The following ABCC4 variants were observed in gnomAD, a reference collection of about 807,000 sequenced individuals.
ABCC4 encodes ATP binding cassette subfamily C member 4 (PEL blood group).
A neutral mutation model predicts 168.5 loss-of-function variants in ABCC4; 102 were observed. The ratio of observed to expected loss-of-function variants is 0.61; its 90% CI spans 0.52 to 0.71. ABCC4 has a LOEUF of 0.71. Ranked by LOEUF, ABCC4 falls within the 30% of genes least tolerant of loss-of-function variation. ABCC4 has a pLI of 0.00. For synonymous variants in ABCC4, 617 were observed against 590.7 expected, an observed-to-expected ratio of 1.04 and a Z score of -0.65; for missense variants, 1,402 against 1,605.8, an observed-to-expected ratio of 0.87 and a Z score of 2.17.
chr13:95,083,583 G>C (rs1026222734), intron 20 of ABCC4, among the ~76,000 whole-genome samples: 5 of 148,532 alleles, frequency 3.4e-5, no homozygotes, highest in Admixed American at 2.7e-4. Flanking sequence ...CTGGAGTGAA[G>C]TGGTGCCATC....
At chr13:95,250,061 G>C (rs2040214718) in intron 1 of ABCC4, among the ~76,000 whole-genome samples, 1 of 152,188 alleles carries the variant, frequency 6.6e-6, no homozygotes, top group Non-Finnish European at 1.5e-5. Flanking sequence ...GTGGGTACCA[G>C]CAAGAGCTAA....
At chr13:95,232,450 G>A (rs536716256) in intron 4 of ABCC4, among the ~76,000 whole-genome samples, 35 of 152,120 alleles carry the variant, frequency 2.3e-4, no homozygotes, top group African/African-American at 5.3e-4. Context: ...AGGCCGAGAC[G>A]GGCAGATCAC....
chr13:95,236,222 T>C (rs923892681), intron 3 of ABCC4, among the ~76,000 whole-genome samples: 2 of 152,154 alleles, frequency 1.3e-5, no homozygotes, highest in East Asian at 1.9e-4. Flanking sequence ...CAAACACTCA[T>C]TGCAAATCCA....
intron 21 of ABCC4, among the ~76,000 whole-genome samples, chr13:95,076,692 T>C (rs2033920446): frequency 6.6e-6 from 1 of 152,180 alleles, no homozygotes; most frequent in Non-Finnish European, 1.5e-5. Context: ...CTTGAACTCC[T>C]GACTTCAGGT....
intron 26 of ABCC4, among the ~76,000 whole-genome samples, chr13:95,058,865 G>A (rs2033176507): frequency 6.6e-6 from 1 of 152,198 alleles, no homozygotes; most frequent in Admixed American, 6.5e-5. Context: ...CAGGCAGCAG[G>A]AGCCCGGCCA....
At chr13:95,151,900 C>T (rs928429345) in intron 19 of ABCC4, among the ~76,000 whole-genome samples, 31 of 152,180 alleles carry the variant, frequency 2.0e-4, no homozygotes, top group Admixed American at 6.5e-5. Flanking sequence ...CACCTCAACT[C>T]CCTGTGCAAG....
intron 11 of ABCC4, among the ~76,000 whole-genome samples, chr13:95,178,330 G>A (rs535906797): frequency 6.6e-6 from 1 of 152,316 alleles, no homozygotes; most frequent in Admixed American, 6.5e-5. Flanking sequence ...TAGCATTTAT[G>A]CACTGAGCCA....
At chr13:95,189,445 T>C (rs150741816) in intron 9 of ABCC4, among the ~76,000 whole-genome samples, 25 of 152,202 alleles carry the variant, frequency 1.6e-4, no homozygotes, top group Admixed American at 2.6e-4. Flanking sequence ...ATATTCAGTA[T>C]GGGAGCTTTT....
intron 9 of ABCC4, among the ~76,000 whole-genome samples, chr13:95,191,437 A>G (rs961972557): frequency 6.6e-6 from 1 of 152,224 alleles, no homozygotes; most frequent in Non-Finnish European, 1.5e-5. Context: ...CACCCAGAAT[A>G]GGTTTCTTTA....
chr13:95,114,602 G>A (rs1366793908), intron 20 of ABCC4, among the ~76,000 whole-genome samples: 1 of 152,074 alleles, frequency 6.6e-6, no homozygotes, highest in Admixed American at 6.5e-5. Context: ...GTCCTTGTTT[G>A]CAGTAAAAAT....
At chr13:95,127,310 G>T (rs919784459) in intron 19 of ABCC4, among the ~76,000 whole-genome samples, 2 of 152,070 alleles carry the variant, frequency 1.3e-5, no homozygotes, top group African/African-American at 4.8e-5. Flanking sequence ...TTTTGAGACA[G>T]AGTCTCTCTC....
At chr13:95,049,515 C>T (rs1303113731) in intron 27 of ABCC4, among the ~76,000 whole-genome samples, 1 of 151,874 alleles carries the variant, frequency 6.6e-6, no homozygotes, top group Non-Finnish European at 1.5e-5. Context: ...GTGGCAGGCA[C>T]CTGTAATCAC....
At chr13:95,260,015 C>A (rs994868747) in intron 1 of ABCC4, among the ~76,000 whole-genome samples, 3 of 152,044 alleles carry the variant, frequency 2.0e-5, no homozygotes, top group African/African-American at 7.2e-5. Flanking sequence ...ACCAGAATCC[C>A]CTGAAGAGTT....
chr13:95,195,013 G>C, intron 8 of ABCC4, 76 bp from the exon 9 acceptor site: 1 of 1,262,250 alleles, frequency 7.9e-7, no homozygotes, highest in East Asian at 2.5e-5. Context: ...TGCTTCCATG[G>C]AATTTGTAAC....
chr13:95,062,970 T>C, intron 25 of ABCC4, 111 bp from the exon 26 acceptor site: 1 of 1,248,496 alleles, frequency 8.0e-7, no homozygotes, highest in Non-Finnish European at 1.1e-6. Flanking sequence ...GGACATTCTA[T>C]ATTGAGTGTA....
rs2040137925 is a variant in ABCC4, at chr13:95,247,562, A to G, written c.185+81T>C. ...TTAAGGGTAAACGGAGGCTCCAGAC[A>G]GGACCCAGGAAGGCAAAACCCACTC... is the stretch of plus-strand genomic sequence containing the variant. On this transcript the variant is annotated intron_variant, in intron 2 of 30. Transcript: ENST00000645237. 3 of 1,053,220 alleles carry G rather than the reference A, an allele frequency of 2.8e-6. No individual in the cohort carries two copies. The South Asian group carries it at 4.1e-5, about 15-fold the overall frequency. The allele number at this position is 1,053,220 out of a possible 1,614,324, so 65.2% of individuals were successfully genotyped here. A position where few individuals can be genotyped will look rare whatever the true frequency, so the allele number is the denominator to read the frequency against.
chr13:95,161,425 T>A (rs1025314503), intron 18 of ABCC4, 90 bp from the exon 19 acceptor site: 2 of 1,051,798 alleles, frequency 1.9e-6, no homozygotes, highest in Non-Finnish European at 2.6e-6. Context: ...TTTATAAAGA[T>A]GTTACTTAAT....
chr13:95,044,273 C>A lies in ABCC4; in HGVS notation c.3622G>T (p.Asp1208Tyr). 6.2e-7 allele frequency: 1 copy of A among 1,610,970 alleles called. No homozygotes were observed. The highest frequency in any genetic ancestry group is 1.1e-5 in the South Asian group (1 of 90,346). The change falls in exon 28 of 31, where the codon GAT becomes TAT. Residue 1208 changes from aspartate (D) to tyrosine (Y), a missense_variant. Transcript: ENST00000645237. ...TGGACCTCAGCTTTATACCTTGGAT[C>A]CACATTTGCCGTCGCTTCATCAATA... ...LIIDEATANV[D>Y]PRTDELIQKK...
intron 19 of ABCC4, among the ~76,000 whole-genome samples, chr13:95,136,985 T>C (rs1215903657): frequency 6.6e-6 from 1 of 152,192 alleles, no homozygotes; most frequent in Admixed American, 6.5e-5. Flanking sequence ...ATGCAACATT[T>C]TACTTTACAT....
Sources: gnomAD v4.1 joint callset for allele counts (sites outside exome capture counted in the v4.1 genomes callset) on GRCh38, gnomAD v4.1.1 for gene constraint, MANE v1.5 for transcripts, NCBI Gene and HGNC (gene_info 2026-07-23, HGNC 2026-07-21) for gene names.